MAP2K2: variants seen among roughly 807,000 people sequenced by gnomAD.
MAP2K2 encodes the protein dual specificity mitogen-activated protein kinase kinase 2.
MAP2K2 carries 24 observed loss-of-function variants against 43.7 expected under a neutral mutation model. That is an observed-to-expected ratio of 0.55 (90% confidence interval 0.40 to 0.77). The LOEUF (loss-of-function observed/expected upper bound fraction) is 0.77. MAP2K2 is among the 30% of genes least tolerant of loss of function. MAP2K2 has a pLI of 0.00. For missense variants in MAP2K2, 470 were observed against 566.8 expected (o/e 0.83, Z 1.73); for synonymous variants, 244 against 239.7 (o/e 1.02, Z -0.17).
intron 2 of MAP2K2, among the ~76,000 whole-genome samples, chr19:4,111,597 A>T (rs1346438991): frequency 6.6e-6 from 1 of 152,154 alleles, no homozygotes; most frequent in Non-Finnish European, 1.5e-5. Flanking sequence ...CGGCAGGGGA[A>T]ATTTTCATCA....
intron 6 of MAP2K2, 168 bp downstream of exon 6, chr19:4,100,851 C>A (rs2040996411): frequency 6.4e-6 from 5 of 777,320 alleles, no homozygotes; most frequent in South Asian, 3.4e-5. Context: ...GTTGGGAAAG[C>A]CTCGTGGGAG....
intron 9 of MAP2K2, 64 bp from the exon 10 acceptor site, chr19:4,094,562 T>C: frequency 1.3e-6 from 2 of 1,516,384 alleles, no homozygotes; most frequent in Non-Finnish European, 1.8e-6. Flanking sequence ...AGTCAGCTGG[T>C]GGCCCCGGGG....
intron 8 of MAP2K2, among the ~76,000 whole-genome samples, chr19:4,096,047 T>C (rs567834243): frequency 6.6e-6 from 1 of 152,312 alleles, no homozygotes; most frequent in East Asian, 1.9e-4. Context: ...AGTGCTGGAA[T>C]TACACACCTG....
intron 2 of MAP2K2, among the ~76,000 whole-genome samples, chr19:4,113,340 G>C (rs73918033): frequency 0.038 from 5,710 of 152,264 alleles, 362 homozygotes; most frequent in African/African-American, 0.13. Flanking sequence ...TGTAATACCT[G>C]GGGCCTGTCG....
chr19:4,120,506 G>C (rs531955502), intron 1 of MAP2K2, among the ~76,000 whole-genome samples: 1 of 152,168 alleles, frequency 6.6e-6, no homozygotes, highest in Admixed American at 6.5e-5. Context: ...TAATAGAGAC[G>C]GGGTTTTGCC....
At chr19:4,091,543 G>A in intron 10 of MAP2K2, among the ~76,000 whole-genome samples, 1 of 151,840 alleles carries the variant, frequency 6.6e-6, no homozygotes, top group East Asian at 1.9e-4. Flanking sequence ...AGTAGAGACG[G>A]GGATTCACCA....
In MAP2K2 at chr19:4,117,402, G is replaced by A. The variant is rs368897563; in HGVS notation, c.303+17C>T. 17 of 1,394,868 alleles carry A rather than the reference G, an allele frequency of 1.2e-5. No homozygotes were observed. Among genetic ancestry groups the A allele is most frequent in the South Asian group, 4.6e-5 (4 of 87,450 alleles). 86.4% of individuals were successfully genotyped at this position (1,394,868 alleles called of 1,614,324 possible). A position where few individuals can be genotyped will look rare whatever the true frequency, so the allele number is the denominator to read the frequency against. ...TTCCCCACCACTCCCCGACCTCCCC[G>A]ACCCCGCAGTGCTCACCTTCCTGGC... On this transcript the variant is annotated intron_variant, in intron 2 of 10. Transcript: ENST00000262948.
intron 10 of MAP2K2, among the ~76,000 whole-genome samples, chr19:4,093,351 C>T (rs1383676030): frequency 3.3e-5 from 5 of 152,096 alleles, no homozygotes; most frequent in Non-Finnish European, 7.4e-5. Context: ...GAGCTACAAT[C>T]GCACCACTGC....
In MAP2K2 at chr19:4,117,423, C is replaced by T. The variant is rs2145079636; in HGVS notation, c.299G>A (p.Arg100Lys). 1 of 1,613,100 alleles carries T rather than the reference C, an allele frequency of 6.2e-7. No homozygotes were observed. Among genetic ancestry groups the T allele is most frequent in the Non-Finnish European group, 8.5e-7 (1 of 1,180,022 alleles). The change falls in exon 2 of 11, where the codon AGG becomes AAG. Residue 100 changes from arginine to lysine, a missense_variant. Around this residue, in one of 3 missense-constraint regions of MAP2K2, gnomAD observed 200 missense variants for 297.9 expected, o/e 0.67. Transcript: ENST00000262948. ...CCCCGACCCCGCAGTGCTCACCTTC[C>T]TGGCCATGATGAGGCCCGAGGGTCT... is the stretch of plus-strand genomic sequence containing the variant. ...QHRPSGLIMA[R>K]KLIHLEIKPA... is the part of the protein sequence containing the mutation.
intron 2 of MAP2K2, among the ~76,000 whole-genome samples, chr19:4,111,915 T>G (rs1486831413): frequency 6.6e-6 from 1 of 151,980 alleles, no homozygotes; most frequent in Non-Finnish European, 1.5e-5. Flanking sequence ...ATCGCACCAT[T>G]GCACTCCAGC....
In MAP2K2 at chr19:4,101,273, C is replaced by T. The variant is rs776316565; in HGVS notation, c.536G>A (p.Arg179Gln). The change falls in exon 5 of 11, where the codon CGG becomes CAG. Residue 179 changes from arginine (R) to glutamine (Q), a missense_variant. Coordinates refer to ENST00000262948, the MANE Select transcript of MAP2K2 (RefSeq NM_030662.4). This position sits in a 1 kb window ranked among gnomAD's most constrained non-coding sequence, Gnocchi z 6.3. The part of the protein sequence containing the change: ...ILGKVSIAVL[R>Q]GLAYLREKHQ... ...CTTCTCTCGGAGGTACGCCAAGCCC[C>T]GGAGAACCTGCAGGGGAGCGCGGAG... 3.1e-5 allele frequency: 49 copies of T among 1,581,834 alleles called. No homozygotes were observed. Among genetic ancestry groups the T allele is most frequent in the Middle Eastern group, 1.7e-4 (1 of 6,040 alleles).
Position 4,100,016 on chromosome 19 carries a change from G to A in MAP2K2, c.706-602C>T, listed in dbSNP as rs1014912674. ...TGTAATCCCAGCACTTTGGGAGGCC[G>A]AGGCGGGCGGATCACAAGGTCAGAT... On this transcript the variant is annotated intron_variant, in intron 6 of 10. Coordinates refer to ENST00000262948, the MANE Select transcript of MAP2K2 (RefSeq NM_030662.4). 6 of 157,588 alleles carry A rather than the reference G, an allele frequency of 3.8e-5. No homozygotes were observed. The East Asian group carries it at 6.3e-4, about 17-fold the overall frequency. 9.8% of individuals were successfully genotyped at this position (157,588 alleles called of 1,614,324 possible). A position where few individuals can be genotyped will look rare whatever the true frequency, so the allele number is the denominator to read the frequency against.
At chr19:4,112,609 C>T (rs1477552934) in intron 2 of MAP2K2, among the ~76,000 whole-genome samples, 1 of 152,088 alleles carries the variant, frequency 6.6e-6, no homozygotes, top group Non-Finnish European at 1.5e-5. Flanking sequence ...CGCCCGGCCG[C>T]TCCTCAGGCT....
chr19:4,101,202 C>T lies in MAP2K2; in HGVS notation c.580+27G>A. 3 of 1,592,070 alleles carry T rather than the reference C, an allele frequency of 1.9e-6. No homozygotes were observed. Among genetic ancestry groups the T allele is most frequent in the Non-Finnish European group, 2.6e-6 (3 of 1,170,332 alleles). ...AACAGTTGCCTGCCGGCCCCCGGGG[C>T]TCTGGGGAGGGCGGGCTGGGCCTTA... On this transcript the variant is annotated intron_variant, in intron 5 of 10. Coordinates refer to ENST00000262948, the MANE Select transcript of MAP2K2 (RefSeq NM_030662.4). The surrounding 1 kb of genome is among the most constrained non-coding windows in gnomAD (Gnocchi z 6.3).
chr19:4,100,846 G>C, intron 6 of MAP2K2, 173 bp downstream of exon 6: 1 of 746,892 alleles, frequency 1.3e-6, no homozygotes, highest in Non-Finnish European at 2.2e-6. Context: ...AAATAGTTGG[G>C]AAAGCCTCGT....
intron 3 of MAP2K2, among the ~76,000 whole-genome samples, chr19:4,106,270 A>C (rs1046568506): frequency 6.6e-6 from 1 of 152,264 alleles, no homozygotes; most frequent in East Asian, 1.9e-4. Context: ...TTAGCTGTGC[A>C]TGGTGGCTCA....
chr19:4,110,857 G>A (rs968745169), intron 2 of MAP2K2, among the ~76,000 whole-genome samples: 4 of 152,100 alleles, frequency 2.6e-5, no homozygotes, highest in Non-Finnish European at 4.4e-5. Flanking sequence ...ACAGCAGCAC[G>A]ACTCACAGCA....
At chr19:4,102,530 G>T in intron 3 of MAP2K2, 77 bp from the exon 4 acceptor site, 1 of 1,157,874 alleles carries the variant, frequency 8.6e-7, no homozygotes, top group Non-Finnish European at 1.3e-6. Flanking sequence ...CCCACTCCCG[G>T]CGAGGGGGTG....
At chr19:4,099,175 C>T (rs2040963252) in intron 7 of MAP2K2, 26 bp downstream of exon 7, 2 of 1,580,620 alleles carry the variant, frequency 1.3e-6, no homozygotes, top group Non-Finnish European at 8.6e-7. Context: ...CGCGTCCAGA[C>T]CGGAAGTTGC....
Sources: gnomAD v4.1 joint callset for allele counts (sites outside exome capture counted in the v4.1 genomes callset) on GRCh38, gnomAD v4.1.1 for gene constraint, gnomAD v4.1.1 regional missense constraint, Gnocchi (gnomAD v3.1) non-coding constraint, MANE v1.5 for transcripts, NCBI Gene and HGNC (gene_info 2026-07-23, HGNC 2026-07-21) for gene names.